Variants in GSDMC observed in about 807,000 individuals in gnomAD.
The protein encoded by GSDMC is gasdermin-C.
Under a neutral mutation model 58.0 loss-of-function variants are expected in GSDMC, and 59 were observed. The observed-to-expected ratio is 1.02, with a 90% confidence interval of 0.82 to 1.26. The LOEUF is 1.26. GSDMC is among the 50% of genes most tolerant of loss of function. The probability of loss-of-function intolerance (pLI) is 0.00; values close to 1 mark genes in which losing one functional copy is unlikely to be tolerated. For synonymous variants in GSDMC, 241 were observed against 220.2 expected (o/e 1.09, Z -0.83); for missense variants, 659 against 598.5 (o/e 1.10, Z -1.06).
At chr8:129,743,535 G>A (rs79722884), downstream of GSDMC, among the ~76,000 whole-genome samples, 497 of 152,042 alleles carry the variant, frequency 3.3e-3, 2 homozygotes, top group South Asian at 0.015. Flanking sequence ...ACCCACCATC[G>A]TCATCCCATC....
the GSDMC span, among the ~76,000 whole-genome samples, chr8:129,739,921 T>C: frequency 1.1e-4 from 17 of 152,306 alleles, no homozygotes; most frequent in Non-Finnish European, 4.4e-5. Flanking sequence ...ATGCATGTTA[T>C]TGTCCCTGAA....
chr8:129,776,156 A>C lies in GSDMC; in HGVS notation c.350T>G (p.Leu117Arg). The C allele has an allele frequency of 6.2e-7, 1 of 1,614,056 alleles. No individual in the cohort carries two copies. The highest frequency in any genetic ancestry group is 1.1e-5 in the South Asian group (1 of 91,078). The change falls in exon 3 of 14, where the codon CTC becomes CGC. Residue 117 changes from leucine (L) to arginine (R), a missense_variant. Transcript: ENST00000276708. Reference sequence around the variant, plus strand: ...TGGGATGGTAACAATTTGAAACTCGAGGGAGCATCCATGGTCCACAGAGGC... The same window carrying C: ...TGGGATGGTAACAATTTGAAACTCGCGGGAGCATCCATGGTCCACAGAGGC... ...GEASVDHGCS[L>R]EFQIVTIPSP...
intron 6 of GSDMC, among the ~76,000 whole-genome samples, chr8:129,755,033 G>C (rs2033371821): frequency 6.6e-6 from 1 of 152,068 alleles, no homozygotes; most frequent in South Asian, 2.1e-4. Flanking sequence ...GAAAGAGATA[G>C]GGTAAGAAAG....
chr8:129,710,554 A>G, the GSDMC span, among the ~76,000 whole-genome samples: 3 of 152,278 alleles, frequency 2.0e-5, no homozygotes, highest in African/African-American at 7.2e-5. Context: ...TTGGGTGTGG[A>G]GAGAAGAGAA....
intron 6 of GSDMC, among the ~76,000 whole-genome samples, chr8:129,753,341 T>G (rs1794602855): frequency 1.3e-5 from 2 of 152,144 alleles, no homozygotes; most frequent in African/African-American, 4.8e-5. Flanking sequence ...GGTAGAGTTG[T>G]GAGGCCCCCA....
the GSDMC span, among the ~76,000 whole-genome samples, chr8:129,733,476 G>C: frequency 6.6e-6 from 1 of 152,190 alleles, no homozygotes; most frequent in African/African-American, 2.4e-5. Context: ...GGAAGGATCA[G>C]GCAGCAATAT....
intron 4 of GSDMC, among the ~76,000 whole-genome samples, chr8:129,765,035 C>T (rs532345830): frequency 2.9e-4 from 44 of 152,296 alleles, no homozygotes; most frequent in African/African-American, 1.0e-3. Context: ...ATTACACAGA[C>T]ATATTGTAAA....
chr8:129,714,111 G>A, the GSDMC span, among the ~76,000 whole-genome samples: 3 of 152,252 alleles, frequency 2.0e-5, no homozygotes, highest in African/African-American at 4.8e-5. Flanking sequence ...TAAAGCAATT[G>A]GCAACAGAGC....
rs1563799855 is a variant in GSDMC, at chr8:129,762,720, T to C, written c.582A>G (p.Gln194=). 2 of 1,611,806 alleles carry C rather than the reference T, an allele frequency of 1.2e-6. No individual in the cohort carries two copies. Among genetic ancestry groups the C allele is most frequent in the South Asian group, 1.1e-5 (1 of 91,054 alleles). Reference sequence around the variant, plus strand: ...TCTTCTTCACTCTGAGACTCTCTCCTTGGCCTTGACCCTGGGGAGAGAAAC... The same window carrying C: ...TCTTCTTCACTCTGAGACTCTCTCCCTGGCCTTGACCCTGGGGAGAGAAAC... ...LWITYGKGQG[Q]GESLRVKKKA... Residue 194 remains glutamine (Q), a synonymous_variant, in exon 5 of 14, where the codon CAA becomes CAG. Transcript: ENST00000276708.
At chr8:129,738,793 TTAAAG>T in the GSDMC span, among the ~76,000 whole-genome samples, 7 of 152,058 alleles carry the variant, frequency 4.6e-5, no homozygotes, top group South Asian at 2.1e-4. Context: ...ACCCTAGAAC[TTAAAG>T]TATAGTTTTT....
chr8:129,736,080 C>T, the GSDMC span, among the ~76,000 whole-genome samples: 1 of 151,748 alleles, frequency 6.6e-6, no homozygotes, highest in Non-Finnish European at 1.5e-5. Flanking sequence ...TTCCTGGACA[C>T]ACACATGCTC....
chr8:129,752,045 C>A, intron 8 of GSDMC, 61 bp downstream of exon 8: 1 of 1,513,376 alleles, frequency 6.6e-7, no homozygotes, highest in African/African-American at 1.4e-5. Context: ...GCACCAAAGG[C>A]AATCAGGTGG....
chr8:129,711,532 G>GAT, the GSDMC span, among the ~76,000 whole-genome samples: 1 of 152,166 alleles, frequency 6.6e-6, no homozygotes. Flanking sequence ...CATGAAGTGT[G>GAT]ATGAGTTCAA....
At chr8:129,771,790 C>A (rs576337712) in intron 3 of GSDMC, among the ~76,000 whole-genome samples, 2 of 151,954 alleles carry the variant, frequency 1.3e-5, no homozygotes, top group South Asian at 4.2e-4. Flanking sequence ...ACCAGTGGGT[C>A]AAAGAAGAAA....
chr8:129,741,613 T>C, the GSDMC span, among the ~76,000 whole-genome samples: 1 of 152,174 alleles, frequency 6.6e-6, no homozygotes, highest in East Asian at 1.9e-4. Context: ...AGAATGGCTA[T>C]TAGCAGATAA....
At chr8:129,717,071 A>C in the GSDMC span, among the ~76,000 whole-genome samples, 1 of 152,200 alleles carries the variant, frequency 6.6e-6, no homozygotes, top group Non-Finnish European at 1.5e-5. Flanking sequence ...TATTGGCCTG[A>C]AATTTTTTGT....
At chr8:129,760,682 T>G (rs2033625850) in intron 5 of GSDMC, 93 bp from the exon 6 acceptor site, 2 of 682,284 alleles carry the variant, frequency 2.9e-6, no homozygotes, top group Admixed American at 2.4e-5. Flanking sequence ...ACCACTGGGA[T>G]GCCTGTTAAA....
chr8:129,765,574 C>G, intron 4 of GSDMC, 54 bp downstream of exon 4: 2 of 1,333,016 alleles, frequency 1.5e-6, no homozygotes, highest in Non-Finnish European at 2.2e-6. Context: ...GCTTGGCTGC[C>G]AGGACTGGCT....
At chr8:129,737,934 A>G in the GSDMC span, among the ~76,000 whole-genome samples, 3 of 152,242 alleles carry the variant, frequency 2.0e-5, no homozygotes, top group African/African-American at 7.2e-5. Flanking sequence ...GCTAATATCC[A>G]GAATCTACAA....
Sources: allele counts gnomAD v4.1 joint callset (sites outside exome capture counted in the v4.1 genomes callset), GRCh38; gene constraint gnomAD v4.1.1; transcripts MANE v1.5; gene names NCBI Gene and HGNC (gene_info 2026-07-23, HGNC 2026-07-21).